LSAMP: variants seen among roughly 807,000 people sequenced by gnomAD.
LSAMP encodes the protein limbic system associated membrane protein.
Under a neutral mutation model 38.6 loss-of-function variants are expected in LSAMP, and 7 were observed. The observed-to-expected ratio is 0.18, with a 90% CI of 0.10 to 0.34. The LOEUF (loss-of-function observed/expected upper bound fraction) is 0.34. Among genes scored for constraint, LSAMP ranks in the 10% least tolerant of loss-of-function variants. The probability of loss-of-function intolerance (pLI) is 1.00; values close to 1 mark genes in which losing one functional copy is unlikely to be tolerated. For synonymous variants in LSAMP, 154 were observed against 166.8 expected (o/e 0.92, Z 0.59); for missense variants, 313 against 420.0 (o/e 0.75, Z 2.23).
intron 1 of LSAMP, among the ~76,000 whole-genome samples, chr3:116,376,666 AT>A (rs952288008): frequency 1.3e-5 from 2 of 152,056 alleles, no homozygotes; most frequent in African/African-American, 4.8e-5. Context: ...ATCTCTCCAG[AT>A]TAGGTATTTT....
At position 116,124,467 on chromosome 3, in the gene LSAMP, G is replaced by A. The variant is rs188861985; in HGVS notation, c.156-37911C>T. Reference sequence around the variant, plus strand: ...ACTTTGAAAAGTTGATTTGCATTAAGTCATTTGGGAAAAACCAAATCTAAA... The same window carrying A: ...ACTTTGAAAAGTTGATTTGCATTAAATCATTTGGGAAAAACCAAATCTAAA... On this transcript the variant is annotated intron_variant, in intron 1 of 6. Transcript: ENST00000490035. Among the ~76,000 whole-genome samples, 98 of 152,198 alleles carry A rather than the reference G, an allele frequency of 6.4e-4. 1 individual carries two copies. Among genetic ancestry groups the A allele is most frequent in the Non-Finnish European group, 2.9e-5 (2 of 67,990 alleles).
chr3:116,092,762 G>A lies in LSAMP; in HGVS notation c.156-6206C>T, dbSNP rs527847109. ...TGCTTAAAAAATGAATATAACTGGA[G>A]GTAGAAAAGAAATGCTAAAATCAGT... On this transcript the variant is annotated intron_variant, in intron 1 of 6. Coordinates refer to ENST00000490035, the MANE Select transcript of LSAMP (RefSeq NM_002338.5). 1.6e-4 allele frequency among the ~76,000 whole-genome samples: 24 copies of A among 152,140 alleles called. No individual in the cohort carries two copies. In the South Asian group the frequency reaches 4.8e-3, roughly 30 times the overall value.
intron 1 of LSAMP, among the ~76,000 whole-genome samples, chr3:116,311,911 T>C (rs916550057): frequency 2.0e-5 from 3 of 152,294 alleles, no homozygotes; most frequent in Admixed American, 6.5e-5. Flanking sequence ...AAGTAAGCCA[T>C]TGGAATAATT....
intron 2 of LSAMP, among the ~76,000 whole-genome samples, chr3:116,030,522 A>T (rs529034456): frequency 6.6e-6 from 1 of 152,294 alleles, no homozygotes; most frequent in Non-Finnish European, 1.5e-5. Flanking sequence ...AAGTAGATAG[A>T]ATGAATAAAA....
intron 1 of LSAMP, among the ~76,000 whole-genome samples, chr3:116,220,733 T>C (rs1464199398): frequency 3.3e-5 from 5 of 152,168 alleles, no homozygotes; most frequent in Non-Finnish European, 5.9e-5. Context: ...ACTTATCTAC[T>C]ACTGTAATCA....
At chr3:116,336,566 A>G (rs1477563075) in intron 1 of LSAMP, among the ~76,000 whole-genome samples, 2 of 151,898 alleles carry the variant, frequency 1.3e-5, no homozygotes, top group African/African-American at 2.4e-5. Context: ...TCTCACACCC[A>G]TTGTTGACAA....
rs116303121 is a variant in LSAMP at position 116,343,413 on chromosome 3, A to G, written c.155+101464T>C. ...TGGTGGGGAATGTGGAAGCAATATA[A>G]TAATCACCAGGGTCCACTTGTTATT... On this transcript the variant is annotated intron_variant, in intron 1 of 6. Transcript: ENST00000490035. Among the ~76,000 whole-genome samples the G allele has an allele frequency of 2.9e-3, 445 of 152,264 alleles. 5 individuals are homozygous for G. Among genetic ancestry groups the G allele is most frequent in the African/African-American group, 0.01 (428 of 41,574 alleles).
chr3:115,939,584 C>CTTTCTTTCT (rs1576237854), intron 3 of LSAMP, among the ~76,000 whole-genome samples: 1 of 131,806 alleles, frequency 7.6e-6, no homozygotes, highest in African/African-American at 2.7e-5. Context: ...TTCTTTCTTT[C>CTTTCTTTCT]TGTTAAGAGA....
intron 2 of LSAMP, among the ~76,000 whole-genome samples, chr3:116,064,646 C>A (rs941717862): frequency 6.6e-6 from 1 of 151,784 alleles, no homozygotes; most frequent in Non-Finnish European, 1.5e-5. Flanking sequence ...AACAATAATA[C>A]CTAATAAAAA....
At chr3:116,383,653 G>T (rs1047747867) in intron 1 of LSAMP, among the ~76,000 whole-genome samples, 1 of 151,640 alleles carries the variant, frequency 6.6e-6, no homozygotes, top group African/African-American at 2.4e-5. Flanking sequence ...GAAAACGAAC[G>T]AAAAATGAAG....
chr3:115,912,499 C>T (rs1937157231), intron 3 of LSAMP, among the ~76,000 whole-genome samples: 1 of 152,192 alleles, frequency 6.6e-6, no homozygotes, highest in South Asian at 2.1e-4. Context: ...TGAGAGGTGG[C>T]TCCTTACTGG....
At chr3:115,931,282 T>C (rs1046306251) in intron 3 of LSAMP, among the ~76,000 whole-genome samples, 1 of 152,184 alleles carries the variant, frequency 6.6e-6, no homozygotes, top group Non-Finnish European at 1.5e-5. Flanking sequence ...GGTGAAAACC[T>C]TGGCCATAGA....
At chr3:116,356,076 C>T (rs2048219414) in intron 1 of LSAMP, among the ~76,000 whole-genome samples, 1 of 151,990 alleles carries the variant, frequency 6.6e-6, no homozygotes, top group Non-Finnish European at 1.5e-5. Context: ...CCACTGCTAG[C>T]TATATACCCA....
chr3:116,201,555 T>C (rs2045986200), intron 1 of LSAMP, among the ~76,000 whole-genome samples: 1 of 152,184 alleles, frequency 6.6e-6, no homozygotes, highest in African/African-American at 2.4e-5. Context: ...GGCTGCTTGT[T>C]GCCTACAGGT....
chr3:116,218,540 T>A (rs186029384), intron 1 of LSAMP, among the ~76,000 whole-genome samples: 2 of 152,244 alleles, frequency 1.3e-5, no homozygotes, highest in African/African-American at 4.8e-5. Context: ...GTGTACAACA[T>A]TGATGACTTC....
intron 1 of LSAMP, among the ~76,000 whole-genome samples, chr3:116,338,040 T>C (rs1048304340): frequency 6.6e-6 from 1 of 152,096 alleles, no homozygotes; most frequent in Non-Finnish European, 1.5e-5. Flanking sequence ...CTCCACAACC[T>C]TATTCCAGTC....
rs62271407 is a variant in LSAMP at position 116,276,775 on chromosome 3, G to A, written c.155+168102C>T. ...AGAAAACCCATAAAAAATAAAGTGT[G>A]AGCCCAACCACATGGGGCTGGCCCA... is the stretch of plus-strand genomic sequence containing the variant. On this transcript the variant is annotated intron_variant, in intron 1 of 6. Coordinates refer to ENST00000490035, the MANE Select transcript of LSAMP (RefSeq NM_002338.5). Among the ~76,000 whole-genome samples the A allele has an allele frequency of 3.6e-3, 548 of 152,130 alleles. 2 individuals carry two copies. The highest frequency in any genetic ancestry group is 6.0e-3 in the Non-Finnish European group (407 of 68,000).
At chr3:116,323,152 A>G (rs1039143364) in intron 1 of LSAMP, among the ~76,000 whole-genome samples, 2 of 152,144 alleles carry the variant, frequency 1.3e-5, no homozygotes, top group Non-Finnish European at 2.9e-5. Flanking sequence ...ATAACAGAGC[A>G]AGGTTGCAGA....
intron 1 of LSAMP, among the ~76,000 whole-genome samples, chr3:116,140,945 T>C (rs1225283034): frequency 6.6e-6 from 1 of 151,902 alleles, no homozygotes; most frequent in Non-Finnish European, 1.5e-5. Context: ...CTCTGTAGGC[T>C]ACGGTTTGAC....
Sources: gnomAD v4.1 joint callset for allele counts (sites outside exome capture counted in the v4.1 genomes callset) on GRCh38, gnomAD v4.1.1 for gene constraint, MANE v1.5 for transcripts, NCBI Gene and HGNC (gene_info 2026-07-23, HGNC 2026-07-21) for gene names.